LTBP1: variants seen among roughly 807,000 people sequenced by gnomAD.
LTBP1 encodes latent transforming growth factor beta binding protein 1.
In LTBP1, 129 loss-of-function variants were observed where a neutral mutation model predicts 207.6. That is an observed-to-expected ratio of 0.62 (90% CI 0.54 to 0.72). The LOEUF is 0.72. Among genes scored for constraint, LTBP1 ranks in the 30% least tolerant of loss-of-function variants. The pLI, the probability that LTBP1 is intolerant of heterozygous loss-of-function variation, is 0.00. For synonymous variants in LTBP1, 963 were observed against 833.7 expected, an observed-to-expected ratio of 1.16 and a Z score of -2.67; for missense variants, 2,281 against 2,217.2, an observed-to-expected ratio of 1.03 and a Z score of -0.58.
chr2:33,112,698 G>T (rs1413028734), intron 4 of LTBP1, among the ~76,000 whole-genome samples: 2 of 152,184 alleles, frequency 1.3e-5, no homozygotes, highest in African/African-American at 4.8e-5. Flanking sequence ...GAAGGATACT[G>T]AAATGGCAAA....
At position 33,182,693 on chromosome 2, in the gene LTBP1, T is replaced by TACACAC. The variant is rs1255010918; in HGVS notation, c.1202-4162_1202-4161insCACACA. On this transcript the variant is annotated intron_variant, in intron 5 of 33. Coordinates refer to ENST00000404816, the MANE Select transcript of LTBP1 (RefSeq NM_206943.4). ...AAAAAGAAGAAAAGATGGTGATATA[T>TACACAC]ATATATACACACACACACACACACA... 1.8e-4 allele frequency among the ~76,000 whole-genome samples: 15 copies of TACACAC among 81,956 alleles called. 3 individuals carry two copies. Among genetic ancestry groups the TACACAC allele is most frequent in the South Asian group, 6.9e-4 (2 of 2,896 alleles). 53.8% of individuals were successfully genotyped at this position (81,956 alleles called of 152,430 possible). A position where few individuals can be genotyped will look rare whatever the true frequency, so the allele number is the denominator to read the frequency against.
intron 3 of LTBP1, among the ~76,000 whole-genome samples, chr2:33,060,418 G>A (rs1359889196): frequency 2.0e-5 from 3 of 151,894 alleles, no homozygotes; most frequent in African/African-American, 4.8e-5. Context: ...TTAGTAACAT[G>A]TGGCTTTTGA....
chr2:33,398,910 T>A lies in LTBP1; in HGVS notation c.*365T>A, dbSNP rs547255358. On this transcript the variant is annotated 3_prime_UTR_variant, in exon 34 of 34. Transcript: ENST00000404816. ...AGTGGTGGAAATATTTTATATAATTTTCATTTTTTGGTTGTGCAGTTCCTT... is the reference window on the plus strand; with the variant it reads ...AGTGGTGGAAATATTTTATATAATTATCATTTTTTGGTTGTGCAGTTCCTT... The A allele has an allele frequency of 1.9e-5, 3 of 156,766 alleles. No individual in the cohort carries two copies. In the East Asian group the frequency reaches 5.5e-4, roughly 29 times the overall value. 9.7% of individuals were successfully genotyped at this position (156,766 alleles called of 1,614,324 possible).
chr2:33,139,150 G>A (rs138781421), intron 5 of LTBP1, among the ~76,000 whole-genome samples: 75 of 152,158 alleles, frequency 4.9e-4, no homozygotes, highest in African/African-American at 1.6e-3. Context: ...GAGCCACCGC[G>A]CCCGGCTAAA....
chr2:33,030,215 A>G (rs2149310338), intron 3 of LTBP1, among the ~76,000 whole-genome samples: 2 of 152,288 alleles, frequency 1.3e-5, no homozygotes, highest in South Asian at 4.1e-4. Context: ...TTATATTTCT[A>G]GGAAGGATGT....
chr2:33,263,247 A>C (rs147957750), intron 14 of LTBP1, 47 bp from the exon 15 acceptor site: 7 of 1,108,466 alleles, frequency 6.3e-6, no homozygotes, highest in Non-Finnish European at 9.7e-6. Context: ...ATCTCAATGC[A>C]CATAACGGGC....
At position 33,056,149 on chromosome 2, in the gene LTBP1, T is replaced by C. The variant is rs1429651535; in HGVS notation, c.863+34943T>C. Among the ~76,000 whole-genome samples, 5 of 152,010 alleles carry C rather than the reference T, an allele frequency of 3.3e-5. No homozygotes were observed. The East Asian group carries it at 9.7e-4, about 29-fold the overall frequency. On this transcript the variant is annotated intron_variant, in intron 3 of 33. Transcript: ENST00000404816. ...TCCCTCAGGTGGCCGTTTTTCCCCA[T>C]CAGAGAGAGAATATTGGGGCCAAGC...
chr2:33,143,306 T>C (rs1572837186), intron 5 of LTBP1, among the ~76,000 whole-genome samples: 1 of 152,326 alleles, frequency 6.6e-6, no homozygotes, highest in East Asian at 1.9e-4. Context: ...CAAAGACTTG[T>C]CCACTCCATC....
chr2:33,019,964 A>G (rs1241585059), intron 2 of LTBP1, among the ~76,000 whole-genome samples: 4 of 141,238 alleles, frequency 2.8e-5, no homozygotes, highest in Non-Finnish European at 1.5e-5. Flanking sequence ...TCCTCCCACC[A>G]TGACCTCCTA....
intron 3 of LTBP1, among the ~76,000 whole-genome samples, chr2:33,058,659 A>G (rs868023779): frequency 1.3e-5 from 2 of 152,350 alleles, no homozygotes; most frequent in African/African-American, 2.4e-5. Context: ...TATCAATGGC[A>G]TGTTAAAAAA....
At chr2:33,313,996 G>A (rs1017860605) in intron 23 of LTBP1, among the ~76,000 whole-genome samples, 5 of 152,174 alleles carry the variant, frequency 3.3e-5, no homozygotes, top group Non-Finnish European at 7.3e-5. Context: ...GTTTGAAAGA[G>A]CCTTTTACTT....
At chr2:33,170,527 A>G (rs2085337095) in intron 5 of LTBP1, among the ~76,000 whole-genome samples, 1 of 152,254 alleles carries the variant, frequency 6.6e-6, no homozygotes, top group Admixed American at 6.5e-5. Context: ...GGAGCCCACC[A>G]CAGCTCAAGG....
intron 3 of LTBP1, among the ~76,000 whole-genome samples, chr2:33,041,710 G>C (rs1180290316): frequency 6.6e-6 from 1 of 152,138 alleles, no homozygotes; most frequent in African/African-American, 2.4e-5. Flanking sequence ...TTGTATTAGG[G>C]CATAAACAGA....
intron 26 of LTBP1, among the ~76,000 whole-genome samples, chr2:33,356,940 C>T (rs534021308): frequency 2.8e-4 from 42 of 152,242 alleles, no homozygotes; most frequent in African/African-American, 9.9e-4. Flanking sequence ...TAACTATTTA[C>T]TCATGTGTAT....
At chr2:33,055,497 G>T (rs2076953898) in intron 3 of LTBP1, among the ~76,000 whole-genome samples, 2 of 152,176 alleles carry the variant, frequency 1.3e-5, no homozygotes, top group Admixed American at 6.5e-5. Flanking sequence ...GATCCATACT[G>T]GGGATAGCTT....
At chr2:33,264,255 CAAAA>C (rs33981203) in intron 15 of LTBP1, among the ~76,000 whole-genome samples, 1 of 91,226 alleles carries the variant, frequency 1.1e-5, no homozygotes. Flanking sequence ...GACTCTGTCT[CAAAA>C]AAAAAAAAAA....
chr2:32,957,603 A>G (rs1678298811), intron 2 of LTBP1, among the ~76,000 whole-genome samples: 1 of 152,250 alleles, frequency 6.6e-6, no homozygotes, highest in Non-Finnish European at 1.5e-5. Flanking sequence ...CACCGATCAC[A>G]TATCACTGTA....
At chr2:33,129,215 A>G (rs2150509121) in intron 4 of LTBP1, among the ~76,000 whole-genome samples, 1 of 152,282 alleles carries the variant, frequency 6.6e-6, no homozygotes, top group Non-Finnish European at 1.5e-5. Context: ...TTTTTGTAAA[A>G]TATTTTTCTT....
chr2:33,186,876 A>G lies in LTBP1; in HGVS notation c.1222A>G (p.Met408Val). ...TTTAGTAATTTGCCATCTTCCATGT[A>G]TGAATGGTGGCCAGTGCAGTTCAAG... is the stretch of plus-strand genomic sequence containing the variant. ...FRVVICHLPC[M>V]NGGQCSSRDK... Residue 408 changes from methionine to valine, a missense_variant, in exon 6 of 34, where the codon ATG (methionine) becomes GTG (valine). Physicochemically the swap from Met to Val is conservative, Grantham distance 21. Coordinates refer to ENST00000404816, the MANE Select transcript of LTBP1 (RefSeq NM_206943.4). 3 of 1,614,066 alleles carry G rather than the reference A, an allele frequency of 1.9e-6. No homozygotes were observed. The highest frequency in any genetic ancestry group is 1.7e-6 in the Non-Finnish European group (2 of 1,179,938).
Sources: allele counts gnomAD v4.1 joint callset (sites outside exome capture counted in the v4.1 genomes callset), GRCh38; gene constraint gnomAD v4.1.1; transcripts MANE v1.5; gene names NCBI Gene and HGNC (gene_info 2026-07-23, HGNC 2026-07-21).